The following ITGB8 variants were observed in gnomAD, a reference collection of about 807,000 sequenced individuals.
ITGB8 encodes integrin beta-8.
A neutral mutation model predicts 89.5 loss-of-function variants in ITGB8; 30 were observed. That is an observed-to-expected ratio of 0.34 (90% CI 0.25 to 0.45). The LOEUF is 0.45. Ranked by LOEUF, ITGB8 falls within the 20% of genes least tolerant of loss-of-function variation. ITGB8 has a pLI of 1.00. For synonymous variants in ITGB8, 335 were observed against 320.4 expected (o/e 1.05, Z -0.49); for missense variants, 836 against 933.3 (o/e 0.90, Z 1.36).
chr7:20,337,973 T>TCC (rs1784631132), intron 1 of ITGB8, among the ~76,000 whole-genome samples: 1 of 152,000 alleles, frequency 6.6e-6, no homozygotes. Context: ...GCAGGAGAGG[T>TCC]AAACAGAGCT....
intron 3 of ITGB8, among the ~76,000 whole-genome samples, chr7:20,372,460 A>G (rs1183073506): frequency 1.3e-5 from 2 of 152,190 alleles, no homozygotes; most frequent in African/African-American, 4.8e-5. Flanking sequence ...GGATCTGGCA[A>G]GCAACTTAGT....
chr7:20,397,093 A>G (rs928669573), intron 8 of ITGB8, among the ~76,000 whole-genome samples: 2 of 152,206 alleles, frequency 1.3e-5, no homozygotes, highest in African/African-American at 4.8e-5. Flanking sequence ...CCTATTAGAT[A>G]CTAAAAGGGA....
intron 3 of ITGB8, among the ~76,000 whole-genome samples, chr7:20,378,565 C>G (rs1309709523): frequency 2.6e-5 from 4 of 152,178 alleles, no homozygotes; most frequent in African/African-American, 9.7e-5. Context: ...CACTTTAACC[C>G]AAAGGAATAA....
At chr7:20,408,902 TAC>T (rs1443628264) in intron 12 of ITGB8, among the ~76,000 whole-genome samples, 1 of 152,296 alleles carries the variant, frequency 6.6e-6, no homozygotes, top group East Asian at 1.9e-4. Context: ...ATTCTTAAAA[TAC>T]ACAGTGCATG....
upstream of ITGB8, chr7:20,329,875 G>T (rs1583452822): frequency 6.6e-6 from 1 of 152,138 alleles, no homozygotes; most frequent in South Asian, 2.1e-4. Context: ...GACTTAGCGT[G>T]GTAATGACAG....
rs899282724 is a variant in ITGB8, at chr7:20,415,575, AACTT to A, written c.*5579_*5582del. ...GTTCATATAACTCTGATTGACTACT[AACTT>A]CTGTTTTATGTATTTATTAAAGAGC... On this transcript the variant is annotated 3_prime_UTR_variant, in exon 14 of 14. Coordinates refer to ENST00000222573, the MANE Select transcript of ITGB8 (RefSeq NM_002214.3). 6.6e-6 allele frequency: 1 copy of A among 152,516 alleles called. No individual in the cohort carries two copies. The allele number at this position is 152,516 out of a possible 1,614,324, so 9.4% of individuals were successfully genotyped here.
At chr7:20,359,846 G>A (rs1363065842) in intron 1 of ITGB8, among the ~76,000 whole-genome samples, 1 of 152,162 alleles carries the variant, frequency 6.6e-6, no homozygotes, top group Non-Finnish European at 1.5e-5. Flanking sequence ...TTCTTAAAAT[G>A]CTGCATGCCA....
intron 3 of ITGB8, among the ~76,000 whole-genome samples, chr7:20,378,588 AT>A (rs1288855566): frequency 6.6e-6 from 1 of 152,200 alleles, no homozygotes; most frequent in Non-Finnish European, 1.5e-5. Flanking sequence ...TTATGCCTTT[AT>A]CCAATAGGAG....
intron 1 of ITGB8, among the ~76,000 whole-genome samples, chr7:20,332,814 A>T (rs1784452441): frequency 1.3e-5 from 2 of 152,230 alleles, no homozygotes; most frequent in Non-Finnish European, 2.9e-5. Context: ...TTGTTGGAAA[A>T]TTACACAACT....
chr7:20,337,821 A>G (rs1390703513), intron 1 of ITGB8, among the ~76,000 whole-genome samples: 2 of 152,188 alleles, frequency 1.3e-5, no homozygotes, highest in Non-Finnish European at 2.9e-5. Context: ...GGCTTGCTCA[A>G]GTAAAGTCTG....
At position 20,379,036 on chromosome 7, in the gene ITGB8, CTTCT is replaced by C; in HGVS notation, c.389-14_389-11del. 6.4e-7 allele frequency: 1 copy of C among 1,555,918 alleles called. No individual in the cohort carries two copies. The highest frequency in any genetic ancestry group is 8.7e-7 in the Non-Finnish European group (1 of 1,154,042). ...AAAATGAAGACTACATGATGTTTTT[CTTCT>C]ATTGAACTAGGAGCCGAAGCTAATT... is the stretch of plus-strand genomic sequence containing the variant. On this transcript the variant is annotated splice_polypyrimidine_tract_variant and intron_variant, in intron 3 of 13. Coordinates refer to ENST00000222573, the MANE Select transcript of ITGB8 (RefSeq NM_002214.3).
At position 20,410,060 on chromosome 7, in the gene ITGB8, A is replaced by G. The variant is rs1787706539; in HGVS notation, c.*63A>G. The G allele has an allele frequency of 2.0e-6, 3 of 1,538,210 alleles. No individual in the cohort carries two copies. In the Admixed American group the frequency reaches 5.8e-5, roughly 30 times the overall value. The stretch of plus-strand genomic sequence containing the variant: ...GTTAATAATTGCTCCTAAAGATTAT[A>G]ATTTTAAAAGTCACAGGAGGAGACA... On this transcript the variant is annotated 3_prime_UTR_variant, in exon 14 of 14. Transcript: ENST00000222573.
intron 1 of ITGB8, among the ~76,000 whole-genome samples, chr7:20,332,683 A>C (rs140999860): frequency 6.6e-6 from 1 of 152,330 alleles, no homozygotes; most frequent in South Asian, 2.1e-4. Context: ...GAGGTTTATT[A>C]ATAATACCTG....
rs1191254628 is a variant in ITGB8, at chr7:20,411,568, C to T, written c.*1571C>T. On this transcript the variant is annotated 3_prime_UTR_variant, in exon 14 of 14. Transcript: ENST00000222573. ...CATTGGAAAGGAGTTTTTATCTTCT[C>T]ATTGTCAGGCCAGTGTTCATTGCAC... 1 of 152,606 alleles carries T rather than the reference C, an allele frequency of 6.6e-6. No homozygotes were observed. The highest frequency in any genetic ancestry group is 1.5e-5 in the Non-Finnish European group (1 of 68,030). The allele number at this position is 152,606 out of a possible 1,614,324, so 9.5% of individuals were successfully genotyped here. A position where few individuals can be genotyped will look rare whatever the true frequency, so the allele number is the denominator to read the frequency against.
chr7:20,331,673 G>A lies in ITGB8; in HGVS notation c.-134G>A. 9.1e-7 allele frequency: 1 copy of A among 1,100,206 alleles called. No homozygotes were observed. Among genetic ancestry groups the A allele is most frequent in the Non-Finnish European group, 1.2e-6 (1 of 812,042 alleles). The allele number at this position is 1,100,206 out of a possible 1,614,324, so 68.2% of individuals were successfully genotyped here. The stretch of plus-strand genomic sequence containing the variant: ...ACCTGCACCGCTTGCTCCGAGCCGC[G>A]GGGTCCGCCTGCTAGGCCTGCGGAA... On this transcript the variant is annotated 5_prime_UTR_variant, in exon 1 of 14. Coordinates refer to ENST00000222573, the MANE Select transcript of ITGB8 (RefSeq NM_002214.3).
At chr7:20,333,474 G>A (rs1784478226) in intron 1 of ITGB8, among the ~76,000 whole-genome samples, 1 of 152,184 alleles carries the variant, frequency 6.6e-6, no homozygotes, top group South Asian at 2.1e-4. Context: ...ATACACACTA[G>A]TAAAATGACC....
At position 20,379,436 on chromosome 7, in the gene ITGB8, G is replaced by A. The variant is rs1786284406; in HGVS notation, c.635+139G>A. On this transcript the variant is annotated intron_variant, in intron 4 of 13. Transcript: ENST00000222573. Reference sequence around the variant, plus strand: ...ATAAAAATATTTGGTGAGGTGGGGAGGTTTCTTCATATCTGAAAACTTCTG... The same window carrying A: ...ATAAAAATATTTGGTGAGGTGGGGAAGTTTCTTCATATCTGAAAACTTCTG... 4 of 432,466 alleles carry A rather than the reference G, an allele frequency of 9.2e-6. No homozygotes were observed. In the South Asian group the frequency reaches 3.5e-4, roughly 38 times the overall value. 26.8% of individuals were successfully genotyped at this position (432,466 alleles called of 1,614,324 possible). A position where few individuals can be genotyped will look rare whatever the true frequency, so the allele number is the denominator to read the frequency against.
At position 20,409,777 on chromosome 7, in the gene ITGB8, AG is replaced by A. The variant is rs1787691322; in HGVS notation, c.2187+1del. 1 of 1,612,672 alleles carries A rather than the reference AG, an allele frequency of 6.2e-7. No individual in the cohort carries two copies. On this transcript the variant is annotated frameshift_variant and splice_region_variant, in exon 13 of 14. Coordinates refer to ENST00000222573, the MANE Select transcript of ITGB8 (RefSeq NM_002214.3). LOFTEE classifies it high-confidence loss of function. ...GATTACAGAGTGTCAGCCTCAAAAAAGGTCAGTGAATTCTAAAAAAGAACTG... is the reference window on the plus strand; with the variant it reads ...GATTACAGAGTGTCAGCCTCAAAAAAGTCAGTGAATTCTAAAAAAGAACTG... ...SSDYRVSASK[K>X]DKLILQSVCT... is the part of the protein sequence containing the mutation.
chr7:20,346,064 A>G (rs1415836767), intron 1 of ITGB8, among the ~76,000 whole-genome samples: 2 of 152,164 alleles, frequency 1.3e-5, no homozygotes, highest in African/African-American at 4.8e-5. Context: ...ACATAATGTA[A>G]GTTACAAGTG....
Sources: allele counts gnomAD v4.1 joint callset (sites outside exome capture counted in the v4.1 genomes callset), GRCh38; gene constraint gnomAD v4.1.1; transcripts MANE v1.5; gene names NCBI Gene and HGNC (gene_info 2026-07-23, HGNC 2026-07-21).